KCNQ1: variants seen among roughly 807,000 people sequenced by gnomAD.
KCNQ1 encodes potassium voltage-gated channel subfamily KQT member 1.
A neutral mutation model predicts 72.4 loss-of-function variants in KCNQ1; 49 were observed. The observed-to-expected ratio is 0.68, with a 90% CI of 0.54 to 0.86. KCNQ1 has a LOEUF of 0.86. Ranked by LOEUF, KCNQ1 falls within the 40% of genes least tolerant of loss-of-function variation. The probability of loss-of-function intolerance (pLI) is 0.00; values close to 1 mark genes in which losing one functional copy is unlikely to be tolerated. For synonymous variants in KCNQ1, 450 were observed against 412.6 expected, an observed-to-expected ratio of 1.09 and a Z score of -1.10; for missense variants, 790 against 945.1, an observed-to-expected ratio of 0.84 and a Z score of 2.15.
chr11:2,798,927 A>G (rs1382010074), intron 15 of KCNQ1, among the ~76,000 whole-genome samples: 1 of 152,072 alleles, frequency 6.6e-6, no homozygotes, highest in Non-Finnish European at 1.5e-5. Flanking sequence ...CGGGGGAAGG[A>G]GAGGAAGAAG....
rs1289879212 is a variant in KCNQ1, at chr11:2,750,965, C to T, written c.1515-17879C>T. Among the ~76,000 whole-genome samples, 1 of 152,166 alleles carries T rather than the reference C, an allele frequency of 6.6e-6. No homozygotes were observed. Among genetic ancestry groups the T allele is most frequent in the African/African-American group, 2.4e-5 (1 of 41,432 alleles). ...GAGGCTCTTTACCTCTGTCTGTGCA[C>T]CCACCCAGCCCCTCCTGGGAAAAAG... is the stretch of plus-strand genomic sequence containing the variant. On this transcript the variant is annotated intron_variant, in intron 11 of 15. Transcript: ENST00000155840. The surrounding 1 kb of genome is among the most constrained non-coding windows in gnomAD (Gnocchi z 6.3).
chr11:2,671,806 T>G lies in KCNQ1; in HGVS notation c.1514+9725T>G, dbSNP rs1850188184. 1 of 398,574 alleles carries G rather than the reference T, an allele frequency of 2.5e-6. No individual in the cohort carries two copies. Among genetic ancestry groups the G allele is most frequent in the South Asian group, 1.3e-4 (1 of 7,868 alleles). The allele number at this position is 398,574 out of a possible 1,614,324, so 24.7% of individuals were successfully genotyped here. On this transcript the variant is annotated intron_variant, in intron 11 of 15. Transcript: ENST00000155840. The surrounding 1 kb of genome is among the most constrained non-coding windows in gnomAD (Gnocchi z 4.7). ...ACCCAGTCAGGGTTCTTCCCCCAAA[T>G]AAATCCCTGCAACCCCACTGTGGTT...
chr11:2,542,039 C>T (rs1207467666), intron 2 of KCNQ1, among the ~76,000 whole-genome samples: 1 of 152,192 alleles, frequency 6.6e-6, no homozygotes, highest in Non-Finnish European at 1.5e-5. Flanking sequence ...GCCCTGGAGC[C>T]TGGGATTGCA....
intron 11 of KCNQ1, among the ~76,000 whole-genome samples, chr11:2,761,558 C>A (rs1846396463): frequency 6.6e-6 from 1 of 152,214 alleles, no homozygotes; most frequent in Non-Finnish European, 1.5e-5. Flanking sequence ...AGGGACCCGC[C>A]CTTCTCCTCC....
intron 6 of KCNQ1, among the ~76,000 whole-genome samples, chr11:2,582,435 A>G (rs1848514371): frequency 6.6e-6 from 1 of 152,178 alleles, no homozygotes; most frequent in African/African-American, 2.4e-5. Context: ...CTGGGCCCAT[A>G]GGGCTGGGAA....
Position 2,535,513 on chromosome 11 carries a change from C to T in KCNQ1, c.477+7495C>T, listed in dbSNP as rs556985850. Among the ~76,000 whole-genome samples the T allele has an allele frequency of 5.9e-5, 9 of 152,260 alleles. No individual in the cohort carries two copies. The South Asian group carries it at 1.5e-3, about 25-fold the overall frequency. ...CCCAGTGTTGATCACTGAGGACCACCGGATACAAGTCCCTCCTGCCTTCCC... is the reference window on the plus strand; with the variant it reads ...CCCAGTGTTGATCACTGAGGACCACTGGATACAAGTCCCTCCTGCCTTCCC... On this transcript the variant is annotated intron_variant, in intron 2 of 15. Coordinates refer to ENST00000155840, the MANE Select transcript of KCNQ1 (RefSeq NM_000218.3).
rs574813003 is a variant in KCNQ1 at position 2,467,141 on chromosome 11, C to T, written c.386+21657C>T. Among the ~76,000 whole-genome samples, 6 of 151,674 alleles carry T rather than the reference C, an allele frequency of 4.0e-5. No homozygotes were observed. In the South Asian group the frequency reaches 1.3e-3, roughly 32 times the overall value. On this transcript the variant is annotated intron_variant, in intron 1 of 15. Transcript: ENST00000155840. ...AGCCGGGCAGGGTTGGTCAGCAGGTCCGAGGGCCTGGGCCTCCCTGGGGTG... is the reference window on the plus strand; with the variant it reads ...AGCCGGGCAGGGTTGGTCAGCAGGTTCGAGGGCCTGGGCCTCCCTGGGGTG...
rs190894367 is a variant in KCNQ1 at position 2,712,302 on chromosome 11, G to T, written c.1514+50221G>T. On this transcript the variant is annotated intron_variant, in intron 11 of 15. Transcript: ENST00000155840. The surrounding 1 kb of genome is among the most constrained non-coding windows in gnomAD (Gnocchi z 6.4). ...GACTGACACTGGTGACCCCTGCCTG[G>T]GGGAAGCAGACTCTAGCTGGGCAGC... Among the ~76,000 whole-genome samples the T allele has an allele frequency of 6.6e-6, 1 of 152,176 alleles. No homozygotes were observed. Among genetic ancestry groups the T allele is most frequent in the East Asian group, 1.9e-4 (1 of 5,166 alleles).
In KCNQ1 at chr11:2,658,187, A is replaced by G. The variant is rs1287117346; in HGVS notation, c.1394-3774A>G. ...CAAGGAAGAAACTGTGAAGTTTCTG[A>G]GTTTCACTAACTAATTTCAGCATTC... On this transcript the variant is annotated intron_variant, in intron 10 of 15. Coordinates refer to ENST00000155840, the MANE Select transcript of KCNQ1 (RefSeq NM_000218.3). The surrounding 1 kb of genome is among the most constrained non-coding windows in gnomAD (Gnocchi z 4.9). 4 of 398,496 alleles carry G rather than the reference A, an allele frequency of 1.0e-5. No homozygotes were observed. The highest frequency in any genetic ancestry group is 1.8e-5 in the Non-Finnish European group (4 of 226,046). 24.7% of individuals were successfully genotyped at this position (398,496 alleles called of 1,614,324 possible). A position where few individuals can be genotyped will look rare whatever the true frequency, so the allele number is the denominator to read the frequency against.
At position 2,544,252 on chromosome 11, in the gene KCNQ1, A is replaced by ATATAGGTG. The variant is rs1847867645; in HGVS notation, c.477+16238_477+16239insGGTGTATA. On this transcript the variant is annotated intron_variant, in intron 2 of 15. Coordinates refer to ENST00000155840, the MANE Select transcript of KCNQ1 (RefSeq NM_000218.3). This position sits in a 1 kb window ranked among gnomAD's most constrained non-coding sequence, Gnocchi z 4.4. ...TATATATATATGTGTGTGTGTGTAT[A>ATATAGGTG]TATATATGTGTGTGTGTGTATATAT... 7.4e-6 allele frequency among the ~76,000 whole-genome samples: 1 copy of ATATAGGTG among 135,294 alleles called. No homozygotes were observed. Among genetic ancestry groups the ATATAGGTG allele is most frequent in the African/African-American group, 3.2e-5 (1 of 30,806 alleles). The allele number at this position is 135,294 out of a possible 152,430, so 88.8% of individuals were successfully genotyped here.
rs761289979 is a variant in KCNQ1 at position 2,451,134 on chromosome 11, C to T, written c.386+5650C>T. 1.3e-4 allele frequency among the ~76,000 whole-genome samples: 20 copies of T among 152,242 alleles called. No homozygotes were observed. The highest frequency in any genetic ancestry group is 4.1e-4 in the South Asian group (2 of 4,822). ...GCCCTTCTGCAGAAACACCGTTCCC[C>T]GTAGAGCAGCAGTCCCCAACCTTTT... On this transcript the variant is annotated intron_variant, in intron 1 of 15. Coordinates refer to ENST00000155840, the MANE Select transcript of KCNQ1 (RefSeq NM_000218.3). This position sits in a 1 kb window ranked among gnomAD's most constrained non-coding sequence, Gnocchi z 6.4.
In KCNQ1 at chr11:2,664,661, C is replaced by T. The variant is rs1001396182; in HGVS notation, c.1514+2580C>T. ...CGGCTCCAGCTGCTCAGGGATGCAGCGAAGCTCCTGTGGGCAGCCTGGCCC... is the reference window on the plus strand; with the variant it reads ...CGGCTCCAGCTGCTCAGGGATGCAGTGAAGCTCCTGTGGGCAGCCTGGCCC... On this transcript the variant is annotated intron_variant, in intron 11 of 15. Transcript: ENST00000155840. This position sits in a 1 kb window ranked among gnomAD's most constrained non-coding sequence, Gnocchi z 5.1. 2.3e-5 allele frequency: 9 copies of T among 398,710 alleles called. No homozygotes were observed. The highest frequency in any genetic ancestry group is 1.3e-4 in the South Asian group (1 of 7,868). 24.7% of individuals were successfully genotyped at this position (398,710 alleles called of 1,614,324 possible). A position where few individuals can be genotyped will look rare whatever the true frequency, so the allele number is the denominator to read the frequency against.
At chr11:2,480,114 TCAA>T (rs1846629874) in intron 1 of KCNQ1, among the ~76,000 whole-genome samples, 1 of 150,252 alleles carries the variant, frequency 6.7e-6, no homozygotes, top group African/African-American at 2.4e-5. Context: ...GTCAAGCCCT[TCAA>T]CAAGTTTCTA....
At chr11:2,702,447 T>C (rs1352026844) in intron 11 of KCNQ1, among the ~76,000 whole-genome samples, 1 of 152,232 alleles carries the variant, frequency 6.6e-6, no homozygotes, top group African/African-American at 2.4e-5. Flanking sequence ...TCCACCCTCC[T>C]ACTAAAGAGT....
chr11:2,523,148 A>G (rs2133639672), intron 1 of KCNQ1, among the ~76,000 whole-genome samples: 1 of 152,190 alleles, frequency 6.6e-6, no homozygotes, highest in Admixed American at 6.5e-5. Context: ...CCCACCCTGC[A>G]CATGGTGCTA....
At chr11:2,847,541 G>A (rs529386318) in intron 15 of KCNQ1, among the ~76,000 whole-genome samples, 12 of 152,298 alleles carry the variant, frequency 7.9e-5, no homozygotes, top group African/African-American at 2.2e-4. Flanking sequence ...CAGCACGCAC[G>A]GGATGGACTC....
Position 2,645,809 on chromosome 11 carries a change from A to G in KCNQ1, c.1394-16152A>G. 2.5e-6 allele frequency: 1 copy of G among 398,738 alleles called. No individual in the cohort carries two copies. The highest frequency in any genetic ancestry group is 4.4e-6 in the Non-Finnish European group (1 of 226,172). The allele number at this position is 398,738 out of a possible 1,614,324, so 24.7% of individuals were successfully genotyped here. ...GCAGTCTGGTGGGGGTTGGGCTATC[A>G]AAATGGGACTTTCCTGAAGTTGCCT... is the stretch of plus-strand genomic sequence containing the variant. On this transcript the variant is annotated intron_variant, in intron 10 of 15. Coordinates refer to ENST00000155840, the MANE Select transcript of KCNQ1 (RefSeq NM_000218.3). This position sits in a 1 kb window ranked among gnomAD's most constrained non-coding sequence, Gnocchi z 5.8.
Position 2,695,635 on chromosome 11 carries a change from T to C in KCNQ1, c.1514+33554T>C. ...CATGTTTACTTAGGAGGGAAACTGC[T>C]GGGCCACAGGTATAAAATATTTTAT... On this transcript the variant is annotated intron_variant, in intron 11 of 15. Transcript: ENST00000155840. This position sits in a 1 kb window ranked among gnomAD's most constrained non-coding sequence, Gnocchi z 5.2. 2.5e-6 allele frequency: 1 copy of C among 398,624 alleles called. No homozygotes were observed. The highest frequency in any genetic ancestry group is 4.4e-6 in the Non-Finnish European group (1 of 226,066). 24.7% of individuals were successfully genotyped at this position (398,624 alleles called of 1,614,324 possible).
At chr11:2,632,182 C>CAAAA (rs34998500) in intron 10 of KCNQ1, 71 of 311,978 alleles carry the variant, frequency 2.3e-4, no homozygotes, top group South Asian at 4.0e-4. Context: ...GACTCTGCCT[C>CAAAA]AAAAAAAAAA....
Sources: gnomAD v4.1 joint callset for allele counts (sites outside exome capture counted in the v4.1 genomes callset) on GRCh38, gnomAD v4.1.1 for gene constraint, Gnocchi (gnomAD v3.1) non-coding constraint, MANE v1.5 for transcripts, NCBI Gene and HGNC (gene_info 2026-07-23, HGNC 2026-07-21) for gene names.